The following ARSB variants were observed in gnomAD, a reference collection of about 807,000 sequenced individuals.
ARSB encodes N-acetylgalactosamine-4-sulfatase.
A neutral mutation model predicts 50.9 loss-of-function variants in ARSB; 41 were observed. The observed-to-expected ratio is 0.81, with a 90% CI of 0.63 to 1.04. The LOEUF is 1.04. Ranked by LOEUF, ARSB falls within the 50% of genes least tolerant of loss-of-function variation. ARSB has a pLI of 0.00. For missense variants in ARSB, 672 were observed against 693.3 expected (o/e 0.97, Z 0.35); for synonymous variants, 269 against 284.8 (o/e 0.94, Z 0.56).
chr5:78,919,904 G>A (rs2112346802), intron 4 of ARSB, among the ~76,000 whole-genome samples: 1 of 152,334 alleles, frequency 6.6e-6, no homozygotes, highest in African/African-American at 2.4e-5. Context: ...CAGGAATCAA[G>A]GGCTTTCCAA....
At chr5:78,962,464 A>T (rs1752029846) in intron 3 of ARSB, among the ~76,000 whole-genome samples, 1 of 151,872 alleles carries the variant, frequency 6.6e-6, no homozygotes, top group Non-Finnish European at 1.5e-5. Flanking sequence ...TGATCGCCAA[A>T]AGTGGGACGC....
rs1037428196 is a variant in ARSB, at chr5:78,950,694, T to C, written c.898+4601A>G. Among the ~76,000 whole-genome samples the C allele has an allele frequency of 1.6e-4, 25 of 152,266 alleles. No individual in the cohort carries two copies. In the South Asian group the frequency reaches 2.1e-3, roughly 13 times the overall value. ...AATAGAGTAGAACACTTAATGCCTA[T>C]ATGCCACCAGGAACTCTGTGAGGTG... is the stretch of plus-strand genomic sequence containing the variant. On this transcript the variant is annotated intron_variant, in intron 4 of 7. Coordinates refer to ENST00000264914, the MANE Select transcript of ARSB (RefSeq NM_000046.5).
intron 4 of ARSB, among the ~76,000 whole-genome samples, chr5:78,941,273 TA>T (rs939935971): frequency 2.6e-5 from 4 of 151,132 alleles, no homozygotes; most frequent in African/African-American, 9.7e-5. Flanking sequence ...GAATGCCCTT[TA>T]TTTCCTTCTC....
Position 78,978,430 on chromosome 5 carries a change from A to G in ARSB, c.312+6507T>C, listed in dbSNP as rs55761354. Among the ~76,000 whole-genome samples, 768 of 152,272 alleles carry G rather than the reference A, an allele frequency of 5.0e-3. 4 individuals carry two copies. Among genetic ancestry groups the G allele is most frequent in the Non-Finnish European group, 7.3e-3 (496 of 68,030 alleles). On this transcript the variant is annotated intron_variant, in intron 1 of 7. Coordinates refer to ENST00000264914, the MANE Select transcript of ARSB (RefSeq NM_000046.5). ...TTGTTGAGGTAGTAATACTCTCCAA[A>G]TAGTTTTACAGATCACTGAAATCCC...
chr5:78,889,339 T>C (rs1216020134), intron 4 of ARSB, among the ~76,000 whole-genome samples: 1 of 152,256 alleles, frequency 6.6e-6, no homozygotes, highest in Non-Finnish European at 1.5e-5. Context: ...TCTTCTCATT[T>C]TCCCTTCTAG....
intron 6 of ARSB, among the ~76,000 whole-genome samples, chr5:78,820,513 A>G (rs1328513441): frequency 6.6e-6 from 1 of 152,130 alleles, no homozygotes; most frequent in Non-Finnish European, 1.5e-5. Flanking sequence ...GTGAGTCGAA[A>G]TCGCACCACT....
At chr5:78,860,506 GA>G (rs143365706) in intron 5 of ARSB, among the ~76,000 whole-genome samples, 20,771 of 152,062 alleles carry the variant, frequency 0.14, 1,483 homozygotes, top group Middle Eastern at 0.19. Flanking sequence ...AATCCTGAAG[GA>G]CTACTGCATA....
At chr5:78,939,869 A>C (rs1750819457) in intron 4 of ARSB, among the ~76,000 whole-genome samples, 2 of 152,200 alleles carry the variant, frequency 1.3e-5, no homozygotes, top group Non-Finnish European at 1.5e-5. Context: ...TGACTTCCAC[A>C]ATGGTTGAAC....
chr5:78,939,083 T>C (rs1253876000), intron 4 of ARSB, among the ~76,000 whole-genome samples: 1 of 152,262 alleles, frequency 6.6e-6, no homozygotes. Flanking sequence ...GCACTACTGC[T>C]ATGTGGATTA....
At chr5:78,817,038 G>A in intron 6 of ARSB, 1 of 968,452 alleles carries the variant, frequency 1.0e-6, no homozygotes, top group South Asian at 4.8e-5. Flanking sequence ...GTGGTAATTT[G>A]CTATACAGCG....
At chr5:78,784,965 A>G (rs1440518646) in intron 6 of ARSB, among the ~76,000 whole-genome samples, 1 of 151,664 alleles carries the variant, frequency 6.6e-6, no homozygotes, top group Admixed American at 6.6e-5. Flanking sequence ...TGCCCAGCTA[A>G]TTTTTTGTAT....
intron 5 of ARSB, among the ~76,000 whole-genome samples, chr5:78,880,810 C>CT (rs1238991828): frequency 6.6e-6 from 1 of 152,084 alleles, no homozygotes; most frequent in South Asian, 2.1e-4. Flanking sequence ...TGTTTAGGTA[C>CT]TTTTTTCCTG....
At chr5:78,867,133 G>A (rs1461213668) in intron 5 of ARSB, among the ~76,000 whole-genome samples, 9 of 152,110 alleles carry the variant, frequency 5.9e-5, no homozygotes, top group South Asian at 2.1e-4. Flanking sequence ...GGCGTACCAC[G>A]AGACTATATC....
intron 6 of ARSB, among the ~76,000 whole-genome samples, chr5:78,812,289 G>A (rs955633804): frequency 1.3e-5 from 2 of 152,142 alleles, no homozygotes; most frequent in African/African-American, 2.4e-5. Flanking sequence ...TGAACAGGAA[G>A]GAAAACAATA....
At chr5:78,938,431 T>C (rs1750735347) in intron 4 of ARSB, among the ~76,000 whole-genome samples, 1 of 152,204 alleles carries the variant, frequency 6.6e-6, no homozygotes, top group Non-Finnish European at 1.5e-5. Flanking sequence ...AGGCATGGGT[T>C]GTAATTTTCC....
At chr5:78,964,109 C>G (rs1432529802) in intron 3 of ARSB, among the ~76,000 whole-genome samples, 1 of 152,140 alleles carries the variant, frequency 6.6e-6, no homozygotes, top group Admixed American at 6.5e-5. Context: ...TGAAATACTA[C>G]CAACATAGTA....
At chr5:78,905,699 G>A (rs1459879569) in intron 4 of ARSB, among the ~76,000 whole-genome samples, 1 of 151,998 alleles carries the variant, frequency 6.6e-6, no homozygotes, top group Non-Finnish European at 1.5e-5. Context: ...ACTTGGAGGT[G>A]AGCCTGGGGC....
rs1751667550 is a variant in ARSB at position 78,955,248 on chromosome 5, A to G, written c.898+47T>C. ...GTCTTCATTCCACTTATCAAATACC[A>G]TGTCCTAGGCTTTGCCAAGAGATGA... is the stretch of plus-strand genomic sequence containing the variant. On this transcript the variant is annotated intron_variant, in intron 4 of 7. Coordinates refer to ENST00000264914, the MANE Select transcript of ARSB (RefSeq NM_000046.5). The G allele has an allele frequency of 1.9e-6, 3 of 1,590,854 alleles. No individual in the cohort carries two copies. In the East Asian group the frequency reaches 6.7e-5, roughly 36 times the overall value.
chr5:78,981,762 A>T (rs1752914514), intron 1 of ARSB, among the ~76,000 whole-genome samples: 1 of 152,222 alleles, frequency 6.6e-6, no homozygotes, highest in Non-Finnish European at 1.5e-5. Context: ...AACCAAAAAA[A>T]CTAAAACTCA....
Sources: allele counts gnomAD v4.1 joint callset (sites outside exome capture counted in the v4.1 genomes callset), GRCh38; gene constraint gnomAD v4.1.1; transcripts MANE v1.5; gene names NCBI Gene and HGNC (gene_info 2026-07-23, HGNC 2026-07-21).